TRIM33: variants seen among roughly 807,000 people sequenced by gnomAD.
TRIM33 encodes the protein E3 ubiquitin-protein ligase TRIM33.
In TRIM33, 20 loss-of-function variants were observed where a neutral mutation model predicts 125.4. That is an observed-to-expected ratio of 0.16 (90% CI 0.11 to 0.23). The LOEUF is 0.23. TRIM33 is among the 10% of genes least tolerant of loss of function. The probability of loss-of-function intolerance (pLI) is 1.00; values close to 1 mark genes in which losing one functional copy is unlikely to be tolerated. For missense variants in TRIM33, 920 were observed against 1,411.4 expected, an observed-to-expected ratio of 0.65 and a Z score of 5.58; for synonymous variants, 564 against 513.9, an observed-to-expected ratio of 1.10 and a Z score of -1.32.
At chr1:114,421,329 C>A in intron 11 of TRIM33, 107 bp downstream of exon 11, 1 of 1,080,044 alleles carries the variant, frequency 9.3e-7, no homozygotes, top group Non-Finnish European at 1.3e-6. Flanking sequence ...TCAGAAATTT[C>A]AAGGAAATGT....
intron 1 of TRIM33, among the ~76,000 whole-genome samples, chr1:114,466,656 T>C (rs1180579202): frequency 2.0e-5 from 3 of 152,232 alleles, no homozygotes; most frequent in Non-Finnish European, 4.4e-5. Flanking sequence ...TACTTGGCAA[T>C]ACTCCCAGTG....
intron 4 of TRIM33, among the ~76,000 whole-genome samples, chr1:114,441,373 G>A (rs1648640732): frequency 6.6e-6 from 1 of 152,150 alleles, no homozygotes. Context: ...TCAAAGGGTA[G>A]GGATACCACA....
At chr1:114,510,329 TC>T (rs991069994) in intron 1 of TRIM33, among the ~76,000 whole-genome samples, 1 of 151,768 alleles carries the variant, frequency 6.6e-6, no homozygotes, top group African/African-American at 2.4e-5. Flanking sequence ...CAGTGTCCCC[TC>T]CCCCAGCCTC....
chr1:114,484,826 C>T (rs1160986488), intron 1 of TRIM33, among the ~76,000 whole-genome samples: 1 of 152,118 alleles, frequency 6.6e-6, no homozygotes, highest in Non-Finnish European at 1.5e-5. Flanking sequence ...CATCGCACCA[C>T]TGCACTCCAG....
Position 114,393,083 on chromosome 1 carries a change from A to C in TRIM33, c.*4565T>G, listed in dbSNP as rs1330263134. On this transcript the variant is annotated 3_prime_UTR_variant, in exon 20 of 20. Coordinates refer to ENST00000358465, the MANE Select transcript of TRIM33 (RefSeq NM_015906.4). ...ACAGCACTTTTTAAGAATCATATTG[A>C]AGGGCAGTTAACTATGTGCAAAAAT... 1 of 203,548 alleles carries C rather than the reference A, an allele frequency of 4.9e-6. No individual in the cohort carries two copies. The highest frequency in any genetic ancestry group is 1.0e-5 in the Non-Finnish European group (1 of 98,824). 12.6% of individuals were successfully genotyped at this position (203,548 alleles called of 1,614,324 possible).
In TRIM33 at chr1:114,493,399, G is replaced by A. The variant is rs147823371; in HGVS notation, c.526+17152C>T. On this transcript the variant is annotated intron_variant, in intron 1 of 19. Transcript: ENST00000358465. ...AAAGTTTTACATTTTGATCAAGTCC[G>A]ACTTACTATTTTTTCTTTAGTTGCT... Among the ~76,000 whole-genome samples the A allele has an allele frequency of 1.9e-3, 284 of 152,118 alleles. 3 individuals are homozygous for A. The highest frequency in any genetic ancestry group is 6.8e-3 in the Middle Eastern group (2 of 294).
chr1:114,510,572 T>C lies in TRIM33; in HGVS notation c.505A>G (p.Ser169Gly). The change falls in exon 1 of 20, where the codon AGC becomes GGC. Residue 169 changes from serine to glycine, a missense_variant. By Grantham distance (56) the Ser-to-Gly change is moderately conservative. This residue lies in a region of TRIM33 where 75 missense variants were observed against 123.9 expected (regional missense o/e 0.61). Coordinates refer to ENST00000358465, the MANE Select transcript of TRIM33 (RefSeq NM_015906.4). ...TCACCTTGCTGGATGTCGCCGTTGC[T>C]GCCCCCCGGGATGGGCACGCTGAGC... Reference protein sequence around the residue: ...RQLSVPIPGGSNGDIQQVGVI... With the variant: ...RQLSVPIPGGGNGDIQQVGVI... 6.6e-7 allele frequency: 1 copy of C among 1,514,838 alleles called. No homozygotes were observed. The highest frequency in any genetic ancestry group is 8.8e-7 in the Non-Finnish European group (1 of 1,135,064). The allele number at this position is 1,514,838 out of a possible 1,614,324, so 93.8% of individuals were successfully genotyped here.
intron 11 of TRIM33, among the ~76,000 whole-genome samples, chr1:114,415,334 TA>T (rs1315514630): frequency 3.3e-5 from 5 of 152,150 alleles, no homozygotes; most frequent in Admixed American, 6.5e-5. Context: ...AAAGTCAGCA[TA>T]AAAAAGAAAA....
chr1:114,480,963 G>A (rs193152323), intron 1 of TRIM33, among the ~76,000 whole-genome samples: 3 of 152,240 alleles, frequency 2.0e-5, no homozygotes, highest in South Asian at 2.1e-4. Flanking sequence ...CTTGGAGTCC[G>A]GAGTTTGAGA....
At chr1:114,453,720 A>T (rs1649469960) in intron 4 of TRIM33, among the ~76,000 whole-genome samples, 1 of 152,164 alleles carries the variant, frequency 6.6e-6, no homozygotes, top group Non-Finnish European at 1.5e-5. Context: ...CAACCTCAGG[A>T]GGAGCTGTCC....
intron 1 of TRIM33, among the ~76,000 whole-genome samples, chr1:114,508,446 T>C (rs528084140): frequency 6.6e-6 from 1 of 152,302 alleles, no homozygotes; most frequent in South Asian, 2.1e-4. Flanking sequence ...ACTATGGTCA[T>C]GGGTGCACAG....
chr1:114,461,213 AAAAT>A (rs1649962522), intron 4 of TRIM33, among the ~76,000 whole-genome samples: 3 of 95,652 alleles, frequency 3.1e-5, no homozygotes, highest in Admixed American at 3.1e-4. Context: ...CCTGTCTTTA[AAAAT>A]ATATATATAT....
chr1:114,500,048 T>A (rs963234167), intron 1 of TRIM33, among the ~76,000 whole-genome samples: 2 of 152,080 alleles, frequency 1.3e-5, no homozygotes, highest in Non-Finnish European at 2.9e-5. Flanking sequence ...GCGCCTCTAA[T>A]CCCAGCTACT....
intron 4 of TRIM33, among the ~76,000 whole-genome samples, chr1:114,455,595 C>A (rs1649569803): frequency 6.6e-6 from 1 of 152,034 alleles, no homozygotes; most frequent in African/African-American, 2.4e-5. Context: ...AGGAATTTAT[C>A]CCAGGAAGAT....
intron 5 of TRIM33, among the ~76,000 whole-genome samples, chr1:114,431,746 G>T (rs1174029744): frequency 2.0e-5 from 3 of 152,166 alleles, no homozygotes; most frequent in African/African-American, 7.2e-5. Flanking sequence ...TACACTCCAA[G>T]AAATAATGTA....
Position 114,507,905 on chromosome 1 carries a change from C to T in TRIM33, c.526+2646G>A, listed in dbSNP as rs1478228376. Among the ~76,000 whole-genome samples, 13 of 152,068 alleles carry T rather than the reference C, an allele frequency of 8.5e-5. 1 individual carries two copies. The highest frequency in any genetic ancestry group is 4.4e-5 in the Non-Finnish European group (3 of 68,006). On this transcript the variant is annotated intron_variant, in intron 1 of 19. Transcript: ENST00000358465. Reference sequence around the variant, plus strand: ...GCTGAGGCAGGCAGATCATTTGAAGCCAGGAGTTCAAGACCAGTCTGACCA... The same window carrying T: ...GCTGAGGCAGGCAGATCATTTGAAGTCAGGAGTTCAAGACCAGTCTGACCA...
At chr1:114,403,767 C>T (rs1356316851) in intron 15 of TRIM33, among the ~76,000 whole-genome samples, 3 of 152,186 alleles carry the variant, frequency 2.0e-5, no homozygotes, top group Non-Finnish European at 4.4e-5. Flanking sequence ...CTCAGGTGAT[C>T]TGCCTACCTT....
chr1:114,461,061 C>T (rs552049707), intron 4 of TRIM33, among the ~76,000 whole-genome samples: 5 of 151,646 alleles, frequency 3.3e-5, no homozygotes, highest in Middle Eastern at 3.4e-3. Context: ...TACCAGAGGC[C>T]GGGGCCAAGC....
chr1:114,465,130 G>A (rs1007369030), intron 1 of TRIM33, among the ~76,000 whole-genome samples: 2 of 152,216 alleles, frequency 1.3e-5, no homozygotes, highest in African/African-American at 4.8e-5. Flanking sequence ...TATAAATTCT[G>A]ACTTGGTTAG....
Sources: allele counts gnomAD v4.1 joint callset (sites outside exome capture counted in the v4.1 genomes callset), GRCh38; gene constraint gnomAD v4.1.1; regional missense constraint gnomAD v4.1.1; transcripts MANE v1.5; gene names NCBI Gene and HGNC (gene_info 2026-07-23, HGNC 2026-07-21).